Variants in SPAG16 observed in about 807,000 individuals in gnomAD.
The protein encoded by SPAG16 is sperm-associated antigen 16 protein.
In SPAG16, 86 loss-of-function variants were observed where a neutral mutation model predicts 80.4. The observed-to-expected ratio is 1.07, with a 90% CI of 0.90 to 1.28. The LOEUF is 1.28. Ranked by LOEUF, SPAG16 falls within the 50% of genes most tolerant of loss-of-function variation. SPAG16 has a pLI of 0.00. For synonymous variants in SPAG16, 294 were observed against 265.9 expected, an observed-to-expected ratio of 1.11 and a Z score of -1.03; for missense variants, 870 against 765.3, an observed-to-expected ratio of 1.14 and a Z score of -1.61.
intron 15 of SPAG16, among the ~76,000 whole-genome samples, chr2:214,245,136 T>C (rs1421630923): frequency 1.3e-5 from 2 of 152,200 alleles, no homozygotes; most frequent in Non-Finnish European, 2.9e-5. Flanking sequence ...TACTTCTGCA[T>C]GCTGTTCCAT....
chr2:213,444,576 G>A (rs1219167604), intron 9 of SPAG16, among the ~76,000 whole-genome samples: 3 of 152,106 alleles, frequency 2.0e-5, no homozygotes, highest in Non-Finnish European at 4.4e-5. Flanking sequence ...TAAATTTTGG[G>A]TAGTATGGGC....
At chr2:213,655,808 A>G (rs1302021974) in intron 10 of SPAG16, among the ~76,000 whole-genome samples, 1 of 152,242 alleles carries the variant, frequency 6.6e-6, no homozygotes, top group Non-Finnish European at 1.5e-5. Context: ...CTAATCAAAT[A>G]TAAGAAAAAT....
At chr2:213,697,034 G>A (rs1226021359) in intron 10 of SPAG16, among the ~76,000 whole-genome samples, 4 of 152,146 alleles carry the variant, frequency 2.6e-5, no homozygotes, top group Non-Finnish European at 5.9e-5. Context: ...AAAGTGAGTC[G>A]CAGATGGAGC....
At chr2:214,109,940 A>G (rs1213550951) in intron 14 of SPAG16, among the ~76,000 whole-genome samples, 1 of 152,186 alleles carries the variant, frequency 6.6e-6, no homozygotes, top group African/African-American at 2.4e-5. Flanking sequence ...TATTTTGTAA[A>G]TCAGGCATTT....
At chr2:214,172,268 C>G (rs891079837) in intron 15 of SPAG16, among the ~76,000 whole-genome samples, 18 of 152,014 alleles carry the variant, frequency 1.2e-4, no homozygotes, top group East Asian at 3.9e-4. Flanking sequence ...ACAACAGTCC[C>G]CAGAGTGTGA....
chr2:213,612,427 C>G (rs908333953), intron 10 of SPAG16, among the ~76,000 whole-genome samples: 2 of 152,122 alleles, frequency 1.3e-5, no homozygotes, highest in African/African-American at 4.8e-5. Flanking sequence ...TGAGCCAAGA[C>G]ACCACGCTGA....
At chr2:213,320,541 CTT>C (rs1307122140) in intron 5 of SPAG16, among the ~76,000 whole-genome samples, 2 of 151,914 alleles carry the variant, frequency 1.3e-5, no homozygotes, top group East Asian at 1.9e-4. Flanking sequence ...ACCAATTTCT[CTT>C]CATCTCCCCT....
intron 9 of SPAG16, among the ~76,000 whole-genome samples, chr2:213,420,366 AACTG>A (rs1281289603): frequency 6.6e-6 from 1 of 152,190 alleles, no homozygotes; most frequent in Non-Finnish European, 1.5e-5. Flanking sequence ...TTTCTTCAGA[AACTG>A]ACTGATAGTA....
At chr2:213,942,055 T>C (rs1036190510) in intron 12 of SPAG16, among the ~76,000 whole-genome samples, 2 of 152,178 alleles carry the variant, frequency 1.3e-5, no homozygotes, top group African/African-American at 4.8e-5. Context: ...TTGCCCTTGA[T>C]AATAGCCTTC....
intron 10 of SPAG16, among the ~76,000 whole-genome samples, chr2:213,666,796 A>G (rs557838308): frequency 6.6e-6 from 1 of 152,334 alleles, no homozygotes; most frequent in East Asian, 1.9e-4. Context: ...GTAGGTGGAG[A>G]AGGAAGGCCA....
intron 10 of SPAG16, among the ~76,000 whole-genome samples, chr2:213,710,967 T>G (rs2065958806): frequency 6.6e-6 from 1 of 152,206 alleles, no homozygotes; most frequent in Non-Finnish European, 1.5e-5. Context: ...CTGGAATTTT[T>G]TTTTTAATTG....
At position 214,269,641 on chromosome 2, in the gene SPAG16, T is replaced by G. The variant is rs1170598757; in HGVS notation, c.1720+120375T>G. Among the ~76,000 whole-genome samples the G allele has an allele frequency of 3.9e-5, 6 of 152,130 alleles. 1 individual carries two copies. The highest frequency in any genetic ancestry group is 3.9e-4 in the Admixed American group (6 of 15,262). On this transcript the variant is annotated intron_variant, in intron 15 of 15. Transcript: ENST00000331683. ...AATTGTAATGCCATAAGAATTATATTGCATGTATTTTACAACTCCAATCTA... is the reference window on the plus strand; with the variant it reads ...AATTGTAATGCCATAAGAATTATATGGCATGTATTTTACAACTCCAATCTA...
chr2:214,181,176 G>C (rs76907454), intron 15 of SPAG16, among the ~76,000 whole-genome samples: 1,672 of 151,888 alleles, frequency 0.011, 21 homozygotes, highest in Non-Finnish European at 0.017. Context: ...CATCTGAGAA[G>C]AAAGAGAAGC....
At chr2:214,199,695 T>C (rs1381404735) in intron 15 of SPAG16, among the ~76,000 whole-genome samples, 1 of 152,192 alleles carries the variant, frequency 6.6e-6, no homozygotes, top group East Asian at 1.9e-4. Context: ...TTAGGCAGTA[T>C]GGTCATTTTC....
At chr2:213,779,519 A>G (rs12997080) in intron 10 of SPAG16, among the ~76,000 whole-genome samples, 38,348 of 152,184 alleles carry the variant, frequency 0.25, 5,565 homozygotes, top group South Asian at 0.41. Flanking sequence ...GATGGCTGCC[A>G]TTCACAGCTA....
chr2:213,718,379 C>T (rs1241529256), intron 10 of SPAG16, among the ~76,000 whole-genome samples: 2 of 152,078 alleles, frequency 1.3e-5, no homozygotes, highest in African/African-American at 4.8e-5. Context: ...CCTGGGCTCC[C>T]ACTTTGGTGG....
chr2:214,063,033 A>G (rs1266782631), intron 13 of SPAG16, among the ~76,000 whole-genome samples: 1 of 152,246 alleles, frequency 6.6e-6, no homozygotes. Flanking sequence ...TCATTTCAAC[A>G]ACATGAAACC....
intron 15 of SPAG16, among the ~76,000 whole-genome samples, chr2:214,169,094 T>G (rs1476862212): frequency 1.3e-5 from 2 of 152,118 alleles, no homozygotes; most frequent in Non-Finnish European, 2.9e-5. Context: ...GGTTAGAACA[T>G]TATCATATGA....
At chr2:213,433,157 C>T (rs77805828) in intron 9 of SPAG16, among the ~76,000 whole-genome samples, 3,535 of 152,214 alleles carry the variant, frequency 0.023, 58 homozygotes, top group South Asian at 0.038. Flanking sequence ...TCGTACTGAT[C>T]TGGGAAGAGT....
Sources: allele counts gnomAD v4.1 joint callset (sites outside exome capture counted in the v4.1 genomes callset), GRCh38; gene constraint gnomAD v4.1.1; transcripts MANE v1.5; gene names NCBI Gene and HGNC (gene_info 2026-07-23, HGNC 2026-07-21).